Variants in XKR4 observed in about 807,000 individuals in gnomAD.
XKR4 encodes the protein XK-related protein 4.
XKR4 carries 12 observed loss-of-function variants against 53.9 expected under a neutral mutation model. The ratio of observed to expected loss-of-function variants is 0.22; its 90% CI spans 0.14 to 0.36. The LOEUF is 0.36. Ranked by LOEUF, XKR4 falls within the 10% of genes least tolerant of loss-of-function variation. The pLI, the probability that XKR4 is intolerant of heterozygous loss-of-function variation, is 1.00. For synonymous variants in XKR4, 354 were observed against 362.4 expected (o/e 0.98, Z 0.26); for missense variants, 799 against 859.5 (o/e 0.93, Z 0.88).
intron 1 of XKR4, 56 bp downstream of exon 1, chr8:55,103,350 G>GAAAT: frequency 2.0e-6 from 3 of 1,526,910 alleles, no homozygotes; most frequent in Non-Finnish European, 2.6e-6. Context: ...CATCCCCACT[G>GAAAT]CTTTGCTTTT....
chr8:55,409,778 A>T (rs920320261), intron 2 of XKR4, among the ~76,000 whole-genome samples: 9 of 152,312 alleles, frequency 5.9e-5, no homozygotes, highest in East Asian at 3.9e-4. Context: ...ATCTCTTTTT[A>T]AAAAACCTAT....
chr8:55,169,073 G>T (rs933938703), intron 1 of XKR4, among the ~76,000 whole-genome samples: 2 of 152,146 alleles, frequency 1.3e-5, no homozygotes, highest in African/African-American at 4.8e-5. Flanking sequence ...TAGACATGTT[G>T]CATACTAAAT....
chr8:55,513,280 A>G (rs1372566889), intron 2 of XKR4, among the ~76,000 whole-genome samples: 1 of 152,232 alleles, frequency 6.6e-6, no homozygotes, highest in Non-Finnish European at 1.5e-5. Flanking sequence ...AGTAACTGTC[A>G]ATATTAGTGA....
intron 2 of XKR4, chr8:55,454,611 C>T (rs1805527340): frequency 2.3e-6 from 3 of 1,310,964 alleles, no homozygotes; most frequent in East Asian, 4.8e-5. Context: ...CCAAATAAAT[C>T]GTCCTCTACT....
At chr8:55,246,523 A>T (rs1435271104) in intron 1 of XKR4, among the ~76,000 whole-genome samples, 1 of 152,176 alleles carries the variant, frequency 6.6e-6, no homozygotes, top group African/African-American at 2.4e-5. Flanking sequence ...TGGCTTATAG[A>T]ACAGAAAGTT....
At chr8:55,274,015 G>A (rs1818730414) in intron 1 of XKR4, among the ~76,000 whole-genome samples, 1 of 152,168 alleles carries the variant, frequency 6.6e-6, no homozygotes, top group Admixed American at 6.5e-5. Flanking sequence ...CAGGAATGAG[G>A]CTTATTTGTC....
At chr8:55,446,991 A>G (rs1469329882) in intron 2 of XKR4, among the ~76,000 whole-genome samples, 1 of 152,050 alleles carries the variant, frequency 6.6e-6, no homozygotes, top group African/African-American at 2.4e-5. Context: ...ACCCTAGAGA[A>G]GTAACTTAGT....
intron 2 of XKR4, among the ~76,000 whole-genome samples, chr8:55,404,075 T>C (rs992622686): frequency 2.0e-5 from 3 of 152,184 alleles, no homozygotes; most frequent in Admixed American, 2.0e-4. Context: ...AGAGTCTACA[T>C]GTAGATGTGT....
intron 1 of XKR4, among the ~76,000 whole-genome samples, chr8:55,321,260 T>C (rs1209377903): frequency 6.6e-6 from 1 of 152,194 alleles, no homozygotes; most frequent in Non-Finnish European, 1.5e-5. Flanking sequence ...CCTCTCTCTG[T>C]TATTAAACTA....
At chr8:55,218,453 G>C (rs1563485905) in intron 1 of XKR4, among the ~76,000 whole-genome samples, 2 of 152,196 alleles carry the variant, frequency 1.3e-5, no homozygotes, top group African/African-American at 4.8e-5. Context: ...CTGAGATACT[G>C]TCTAATATAC....
Position 55,523,971 on chromosome 8 carries a change from G to T in XKR4, c.1697G>T (p.Arg566Leu). ...GACCGCGATCAGAAATTCGCAGAGC[G>T]GGATGGGTGTGTACCTGTCTTTCAA... ...VSDRDQKFAERDGCVPVFQVR... is the reference protein window; with the variant it reads ...VSDRDQKFAELDGCVPVFQVR... The change falls in exon 3 of 3, where the codon CGG (arginine) becomes CTG (leucine). Residue 566 changes from arginine (R) to leucine (L), a missense_variant. Arg to Leu is a moderately radical substitution (Grantham distance 102). This residue lies in a region of XKR4 where 269 missense variants were observed against 264.4 expected (regional missense o/e 1.02). Transcript: ENST00000327381. 1 of 1,614,110 alleles carries T rather than the reference G, an allele frequency of 6.2e-7. No individual in the cohort carries two copies. Among genetic ancestry groups the T allele is most frequent in the Non-Finnish European group, 8.5e-7 (1 of 1,180,034 alleles).
At chr8:55,268,374 A>G (rs1357776115) in intron 1 of XKR4, among the ~76,000 whole-genome samples, 2 of 152,206 alleles carry the variant, frequency 1.3e-5, no homozygotes. Flanking sequence ...TAATGATACC[A>G]ATGTTAGTCT....
At chr8:55,387,125 C>T (rs949821) in intron 2 of XKR4, among the ~76,000 whole-genome samples, 101,806 of 152,152 alleles carry the variant, frequency 0.67, 34,750 homozygotes, top group African/African-American at 0.8. Flanking sequence ...TGCTAATTAC[C>T]AGCTGATTGC....
chr8:55,307,205 G>T (rs141397149), intron 1 of XKR4, among the ~76,000 whole-genome samples: 114 of 152,288 alleles, frequency 7.5e-4, no homozygotes, highest in African/African-American at 2.6e-3. Flanking sequence ...GAAAAGACAT[G>T]CTGCGGACTG....
chr8:55,236,072 T>TTA (rs1008685331), intron 1 of XKR4, among the ~76,000 whole-genome samples: 205 of 152,116 alleles, frequency 1.3e-3, no homozygotes, highest in African/African-American at 4.8e-3. Context: ...TTTGCACTGA[T>TTA]CCTAAAGTGT....
intron 1 of XKR4, among the ~76,000 whole-genome samples, chr8:55,337,830 C>G (rs1213811539): frequency 5.9e-5 from 9 of 152,166 alleles, no homozygotes; most frequent in Non-Finnish European, 1.3e-4. Flanking sequence ...CTTTTGAGAA[C>G]AGGATAAGTA....
intron 1 of XKR4, among the ~76,000 whole-genome samples, chr8:55,261,494 G>C (rs1489733977): frequency 6.6e-6 from 1 of 152,182 alleles, no homozygotes; most frequent in Non-Finnish European, 1.5e-5. Context: ...TTAGGTCAAA[G>C]ATCTTTCATT....
chr8:55,439,920 C>G (rs897166815), intron 2 of XKR4, among the ~76,000 whole-genome samples: 2 of 152,034 alleles, frequency 1.3e-5, no homozygotes, highest in Admixed American at 6.6e-5. Context: ...GACATAGTAG[C>G]GTGAAGCTGC....
rs184088580 is a variant in XKR4 at position 55,164,183 on chromosome 8, G to T, written c.806+60889G>T. 1.1e-4 allele frequency: 52 copies of T among 456,636 alleles called. 1 individual carries two copies. The highest frequency in any genetic ancestry group is 7.3e-4 in the South Asian group (47 of 64,572). 28.3% of individuals were successfully genotyped at this position (456,636 alleles called of 1,614,324 possible). On this transcript the variant is annotated intron_variant, in intron 1 of 2. Transcript: ENST00000327381. ...CGCCACTGGCCTGGCCCAGCACACA[G>T]GTTGCCTCGTCCGCCGCCTCCCCAC...
Sources: gnomAD v4.1 joint callset for allele counts (sites outside exome capture counted in the v4.1 genomes callset) on GRCh38, gnomAD v4.1.1 for gene constraint, gnomAD v4.1.1 regional missense constraint, MANE v1.5 for transcripts, NCBI Gene and HGNC (gene_info 2026-07-23, HGNC 2026-07-21) for gene names.